The following PCDH11X variants were observed in gnomAD, a reference collection of about 807,000 sequenced individuals.
PCDH11X encodes protocadherin 11 X-linked, also known as protocadherin-11 X-linked.
Under a neutral mutation model 53.3 loss-of-function variants are expected in PCDH11X, and 18 were observed. The observed-to-expected ratio is 0.34, with a 90% confidence interval of 0.23 to 0.50. The LOEUF (loss-of-function observed/expected upper bound fraction) is 0.50, where lower values mean the gene tolerates loss of function less well. PCDH11X is among the 20% of genes least tolerant of loss of function. PCDH11X has a pLI of 0.98. For missense variants in PCDH11X, 570 were observed against 1,032.4 expected (o/e 0.55, Z 6.14); for synonymous variants, 279 against 393.3 (o/e 0.71, Z 3.44).
chrX:92,241,701 C>T (rs1425955743), intron 7 of PCDH11X, among the ~76,000 whole-genome samples: 3 of 111,808 alleles, frequency 2.7e-5, no homozygotes, highest in African/African-American at 9.8e-5. Context: ...TCAGACATGA[C>T]AACTTGTTGG....
chrX:92,022,461 A>G (rs1342459985), intron 6 of PCDH11X, among the ~76,000 whole-genome samples: 3 of 109,105 alleles, frequency 2.7e-5, no homozygotes, highest in Non-Finnish European at 5.7e-5. Context: ...AAAGGATGCA[A>G]TGCAACAAGA....
At position 92,584,599 on chromosome X, in the gene PCDH11X, A is replaced by T. The variant is rs755149883; in HGVS notation, c.3368-33665A>T. ...AATCGAAATAGTTCTGTGTTTATTA[A>T]AGGGATTAACTTTGTTGTTAAAAAT... On this transcript the variant is annotated intron_variant, in intron 10 of 10. Transcript: ENST00000682573. 2.7e-5 allele frequency among the ~76,000 whole-genome samples: 3 copies of T among 109,656 alleles called. No individual in the cohort carries two copies. The South Asian group carries it at 1.2e-3, about 43-fold the overall frequency.
intron 9 of PCDH11X, among the ~76,000 whole-genome samples, chrX:92,452,558 C>A (rs1231566157): frequency 1.2e-5 from 1 of 86,733 alleles, no homozygotes; most frequent in African/African-American, 4.4e-5. Flanking sequence ...AGTGCAGTGG[C>A]ATGATCTCTG....
chrX:91,866,857 G>A (rs767879483), intron 5 of PCDH11X, among the ~76,000 whole-genome samples: 1 of 109,842 alleles, frequency 9.1e-6, no homozygotes, highest in African/African-American at 3.3e-5. Flanking sequence ...TTTTAGTATT[G>A]TGGCATATGA....
intron 10 of PCDH11X, among the ~76,000 whole-genome samples, chrX:92,493,592 C>T (rs756499875): frequency 2.4e-4 from 26 of 107,932 alleles, no homozygotes; most frequent in South Asian, 1.2e-3. Context: ...CTCTGAAGAA[C>T]GCAGAAACTA....
At chrX:92,495,873 T>G (rs1486645032) in intron 10 of PCDH11X, among the ~76,000 whole-genome samples, 2 of 105,702 alleles carry the variant, frequency 1.9e-5, no homozygotes, top group Non-Finnish European at 3.8e-5. Flanking sequence ...CCCACATGAT[T>G]CAAATTATCT....
At chrX:92,318,620 G>A (rs2069131599) in intron 8 of PCDH11X, among the ~76,000 whole-genome samples, 1 of 111,391 alleles carries the variant, frequency 9.0e-6, no homozygotes, top group African/African-American at 3.3e-5. Flanking sequence ...TCATCTCCAT[G>A]GATGTAGGAC....
chrX:92,217,773 A>C (rs1421670805), intron 7 of PCDH11X, among the ~76,000 whole-genome samples: 1 of 110,890 alleles, frequency 9.0e-6, no homozygotes, highest in African/African-American at 3.3e-5. Flanking sequence ...CCACACCACA[A>C]CTCTTCCAAA....
chrX:92,411,612 C>CT (rs1295318045), intron 9 of PCDH11X, among the ~76,000 whole-genome samples: 15 of 109,327 alleles, frequency 1.4e-4, no homozygotes, highest in African/African-American at 3.0e-4. Flanking sequence ...TGAACTCATT[C>CT]TTTTTTTTAT....
intron 10 of PCDH11X, among the ~76,000 whole-genome samples, chrX:92,537,650 C>CA (rs77743001): frequency 0.26 from 19,616 of 74,867 alleles, 2,370 homozygotes; most frequent in Non-Finnish European, 0.35. Context: ...ATAACACTGG[C>CA]AAAAAAAAAA....
intron 7 of PCDH11X, among the ~76,000 whole-genome samples, chrX:92,216,316 C>T (rs190626950): frequency 1.9e-5 from 2 of 107,776 alleles, no homozygotes; most frequent in African/African-American, 6.7e-5. Flanking sequence ...AAAATTTAGA[C>T]GAATGTATAA....
intron 6 of PCDH11X, among the ~76,000 whole-genome samples, chrX:92,120,921 T>A (rs2064749211): frequency 9.0e-6 from 1 of 111,340 alleles, no homozygotes; most frequent in Non-Finnish European, 1.9e-5. Context: ...TAATAATAAT[T>A]ATTTTAGAGG....
At chrX:91,939,169 A>G (rs1479186205) in intron 6 of PCDH11X, among the ~76,000 whole-genome samples, 1 of 111,161 alleles carries the variant, frequency 9.0e-6, no homozygotes, top group Non-Finnish European at 1.9e-5. Context: ...ACTCAAATCA[A>G]ACTTCCAGAA....
At chrX:91,809,017 A>C (rs1327334610) in intron 1 of PCDH11X, among the ~76,000 whole-genome samples, 1 of 104,460 alleles carries the variant, frequency 9.6e-6, no homozygotes, top group Non-Finnish European at 2.0e-5. Flanking sequence ...TAACTTTTAT[A>C]ATTAAGTAAC....
chrX:92,073,514 G>A (rs191954497), intron 6 of PCDH11X, among the ~76,000 whole-genome samples: 2 of 112,567 alleles, frequency 1.8e-5, no homozygotes, highest in African/African-American at 6.4e-5. Flanking sequence ...ACTGGTAAAA[G>A]GAGTGAGAAT....
At chrX:91,925,086 A>C (rs1941895677) in intron 6 of PCDH11X, among the ~76,000 whole-genome samples, 1 of 109,903 alleles carries the variant, frequency 9.1e-6, no homozygotes, top group Non-Finnish European at 1.9e-5. Flanking sequence ...GATGCTCCTC[A>C]ACTTACAGTG....
At chrX:92,160,619 G>A (rs182749584) in intron 6 of PCDH11X, among the ~76,000 whole-genome samples, 215 of 104,018 alleles carry the variant, frequency 2.1e-3, no homozygotes, top group African/African-American at 7.3e-3. Flanking sequence ...CTATAAACAT[G>A]CATGTGCAGG....
At chrX:92,201,279 T>C (rs2066386094) in intron 6 of PCDH11X, 96 bp from the exon 7 acceptor site, 1 of 1,076,866 alleles carries the variant, frequency 9.3e-7, no homozygotes, top group Non-Finnish European at 1.2e-6. Context: ...CCAGGCACTA[T>C]TTTAGCTACC....
chrX:92,266,944 C>T (rs188911679), intron 8 of PCDH11X, among the ~76,000 whole-genome samples: 1,503 of 110,056 alleles, frequency 0.014, 23 homozygotes, highest in African/African-American at 0.047. Context: ...GAGGGTTCAC[C>T]ATGTTGGCCA....
Sources: allele counts gnomAD v4.1 joint callset (sites outside exome capture counted in the v4.1 genomes callset), GRCh38; gene constraint gnomAD v4.1.1; transcripts MANE v1.5; gene names NCBI Gene and HGNC (gene_info 2026-07-23, HGNC 2026-07-21).